The following AIFM3 variants were observed in gnomAD, a reference collection of about 807,000 sequenced individuals.
AIFM3 encodes the protein AIF family member 3, also known as apoptosis-inducing factor 3.
AIFM3 carries 71 observed loss-of-function variants against 82.7 expected under a neutral mutation model. The observed-to-expected ratio is 0.86, with a 90% CI of 0.71 to 1.05. The LOEUF (loss-of-function observed/expected upper bound fraction) is 1.05. AIFM3 is among the 50% of genes least tolerant of loss of function. The probability of loss-of-function intolerance (pLI) is 0.00; values close to 1 mark genes in which losing one functional copy is unlikely to be tolerated. For synonymous variants in AIFM3, 337 were observed against 329.1 expected, an observed-to-expected ratio of 1.02 and a Z score of -0.26; for missense variants, 748 against 816.7, an observed-to-expected ratio of 0.92 and a Z score of 1.03.
intron 1 of AIFM3, among the ~76,000 whole-genome samples, 171 bp downstream of exon 1, chr22:20,967,474 C>T (rs1163209974): frequency 6.6e-6 from 1 of 152,120 alleles, no homozygotes. Context: ...GGTCCCAGAG[C>T]TCTCAGGCTG....
chr22:20,971,967 G>C (rs550949652), intron 2 of AIFM3, among the ~76,000 whole-genome samples: 203 of 35,538 alleles, frequency 5.7e-3, no homozygotes, highest in African/African-American at 0.028. Context: ...TGGAGGCTGT[G>C]GGGGGGGGGG....
chr22:20,970,950 G>A lies in AIFM3; in HGVS notation c.32-2357G>A, dbSNP rs1370758340. On this transcript the variant is annotated intron_variant, in intron 2 of 20. Coordinates refer to ENST00000440238, the MANE Select transcript of AIFM3 (RefSeq NM_001386814.1). ...GCATCTTAAGGCCCAAAGGGGCTAA[G>A]GCAGGTCTTATGGGCAGCCAGAAGT... is the stretch of plus-strand genomic sequence containing the variant. Among the ~76,000 whole-genome samples the A allele has an allele frequency of 3.9e-5, 6 of 152,362 alleles. No homozygotes were observed. The East Asian group carries it at 1.2e-3, about 29-fold the overall frequency.
At chr22:20,978,043 G>A in intron 16 of AIFM3, 38 bp downstream of exon 16, 1 of 1,596,418 alleles carries the variant, frequency 6.3e-7, no homozygotes, top group South Asian at 1.1e-5. Context: ...GGGTGGGAGG[G>A]AGTCTCAGGG....
At chr22:20,979,413 G>A (rs1923927758) in intron 17 of AIFM3, 44 bp downstream of exon 17, 1 of 1,534,078 alleles carries the variant, frequency 6.5e-7, no homozygotes, top group Non-Finnish European at 8.8e-7. Context: ...AGGGCGTTTA[G>A]GGGCGGGGCT....
intron 19 of AIFM3, 118 bp from the exon 20 acceptor site, chr22:20,980,629 G>A (rs1052841119): frequency 3.5e-5 from 47 of 1,342,912 alleles, no homozygotes; most frequent in Non-Finnish European, 4.2e-5. Context: ...GCCACTGGGA[G>A]GCTATGAGAC....
rs201791391 is a variant in AIFM3 at position 20,973,258 on chromosome 22, G to A, written c.32-49G>A. 2.4e-5 allele frequency: 37 copies of A among 1,545,416 alleles called. No homozygotes were observed. In the African/African-American group the frequency reaches 4.7e-4, roughly 19 times the overall value. The stretch of plus-strand genomic sequence containing the variant: ...CTCTGCACCCAGCTTGAGGGATGGG[G>A]GAGGAAGTTGGCTGAGGTGGGGGGC... On this transcript the variant is annotated intron_variant, in intron 2 of 20. Transcript: ENST00000440238.
chr22:20,980,413 G>T (rs1924020125), intron 19 of AIFM3: 1 of 595,338 alleles, frequency 1.7e-6, no homozygotes. Flanking sequence ...ACCAGGCGTG[G>T]GACACCTAAC....
At position 20,973,832 on chromosome 22, in the gene AIFM3, A is replaced by C. The variant is rs770691793; in HGVS notation, c.320A>C (p.His107Pro). ...AATGGGGAGTTCCACGCCCTGGGCC[A>C]TAAGTGTCCGCACTACGGCGCACCC... Reference protein sequence around the residue: ...KDNGEFHALGHKCPHYGAPLV... With the variant: ...KDNGEFHALGPKCPHYGAPLV... The change falls in exon 4 of 21, where the codon CAT becomes CCT. Residue 107 changes from histidine to proline, a missense_variant. Coordinates refer to ENST00000440238, the MANE Select transcript of AIFM3 (RefSeq NM_001386814.1). 4 of 1,575,296 alleles carry C rather than the reference A, an allele frequency of 2.5e-6. No homozygotes were observed. The highest frequency in any genetic ancestry group is 1.3e-5 in the African/African-American group (1 of 74,172).
At chr22:20,966,042 G>A (rs979563193), upstream of AIFM3, among the ~76,000 whole-genome samples, 7 of 152,160 alleles carry the variant, frequency 4.6e-5, no homozygotes, top group African/African-American at 7.2e-5. Context: ...GCTCCAAGCC[G>A]ATCTAGCACA....
Position 20,974,738 on chromosome 22 carries a change from G to A in AIFM3, c.642G>A (p.Arg214=). The A allele has an allele frequency of 6.2e-7, 1 of 1,613,992 alleles. No homozygotes were observed. The change falls in exon 8 of 21, where the codon CGG becomes CGA. Residue 214 remains arginine (R), a synonymous_variant. Transcript: ENST00000440238. ...AAGLVCAETL[R]QEGFSDRIVL... ...GCCTGGTGTGTGCAGAGACACTGCGGCAGGAGGGCTTCTCCGACCGGATCG... is the reference window on the plus strand; with the variant it reads ...GCCTGGTGTGTGCAGAGACACTGCGACAGGAGGGCTTCTCCGACCGGATCG...
At position 20,981,179 on chromosome 22, in the gene AIFM3, C is replaced by T; in HGVS notation, c.*148C>T. ...TTGCCTTCAGCCACCTGGCTCCCCT[C>T]CTGGGAGGCCTCTGCTGGATCCAGA... On this transcript the variant is annotated 3_prime_UTR_variant, in exon 21 of 21. Transcript: ENST00000440238. 9.3e-7 allele frequency: 1 copy of T among 1,071,972 alleles called. No homozygotes were observed. Among genetic ancestry groups the T allele is most frequent in the Non-Finnish European group, 1.4e-6 (1 of 737,146 alleles). 66.4% of individuals were successfully genotyped at this position (1,071,972 alleles called of 1,614,324 possible).
chr22:20,979,599 G>A (rs1360189058), intron 17 of AIFM3, 28 bp from the exon 18 acceptor site: 1 of 1,613,760 alleles, frequency 6.2e-7, no homozygotes, highest in Admixed American at 1.7e-5. Context: ...CGGCTCACGT[G>A]GGTGCCACCC....
At position 20,967,938 on chromosome 22, in the gene AIFM3, A is replaced by C. The variant is rs767768802; in HGVS notation, c.-7A>C. The C allele has an allele frequency of 2.5e-6, 4 of 1,613,996 alleles. No individual in the cohort carries two copies. The highest frequency in any genetic ancestry group is 3.4e-6 in the Non-Finnish European group (4 of 1,179,974). On this transcript the variant is annotated 5_prime_UTR_variant, in exon 2 of 21. Transcript: ENST00000440238. ...CCTGCCTGCCGGCCATCCTCAGGCC[A>C]CTCGCCATGGGCGGCTGCTTCTCCA...
At chr22:20,973,131 T>A (rs1013313614) in intron 2 of AIFM3, among the ~76,000 whole-genome samples, 176 bp from the exon 3 acceptor site, 20 of 151,988 alleles carry the variant, frequency 1.3e-4, no homozygotes, top group Non-Finnish European at 2.5e-4. Context: ...CCTCCGCTGC[T>A]TCGTGCCAGG....
In AIFM3 at chr22:20,976,706, G is replaced by A. The variant is rs537276493; in HGVS notation, c.1086G>A (p.Glu362=). 3.8e-5 allele frequency: 61 copies of A among 1,609,378 alleles called. 1 individual carries two copies. The South Asian group carries it at 6.6e-4, about 17-fold the overall frequency. The part of the protein sequence containing the change: ...TEKAHSVSVV[E]LEETPFRRFL... ...AGGCCCACTCTGTGTCTGTGGTGGA[G>A]CTGGAGGAGACGCCCTTCAGGAGGT... The change falls in exon 12 of 21, where the codon GAG becomes GAA. Residue 362 remains glutamate, a synonymous_variant. Transcript: ENST00000440238.
In AIFM3 at chr22:20,977,779, G is replaced by A. The variant is rs756941626; in HGVS notation, c.1359+3G>A. ...GAGGCTTCATCCCTGTCAACAAGGTGGGGTGGATGGCACTGGGTGGGGAGG... is the reference window on the plus strand; with the variant it reads ...GAGGCTTCATCCCTGTCAACAAGGTAGGGTGGATGGCACTGGGTGGGGAGG... On this transcript the variant is annotated splice_donor_region_variant and intron_variant, in intron 15 of 20. Transcript: ENST00000440238. 51 of 1,614,070 alleles carry A rather than the reference G, an allele frequency of 3.2e-5. 1 individual carries two copies. In the Admixed American group the frequency reaches 6.8e-4, roughly 22 times the overall value.
chr22:20,972,380 C>T (rs1328478644), intron 2 of AIFM3, among the ~76,000 whole-genome samples: 1 of 133,588 alleles, frequency 7.5e-6, no homozygotes, highest in South Asian at 2.4e-4. Context: ...CCAGCCTGGG[C>T]AACAACAGCG....
In AIFM3 at chr22:20,974,080, C is replaced by T. The variant is rs753990478; in HGVS notation, c.373C>T (p.Arg125Trp). The T allele has an allele frequency of 3.7e-6, 6 of 1,610,362 alleles. No individual in the cohort carries two copies. The highest frequency in any genetic ancestry group is 2.2e-5 in the South Asian group (2 of 90,536). Reference sequence around the variant, plus strand: ...CTTCCCAGGCGTTCTGTCCCGTGGTCGGGTGCGCTGCCCCTGGCACGGCGC... The same window carrying T: ...CTTCCCAGGCGTTCTGTCCCGTGGTTGGGTGCGCTGCCCCTGGCACGGCGC... ...PLVKGVLSRG[R>W]VRCPWHGACF... The change falls in exon 5 of 21, where the codon CGG becomes TGG. Residue 125 changes from arginine (R) to tryptophan (W), a missense_variant. Around this residue, in one of 5 missense-constraint regions of AIFM3, gnomAD observed 148 missense variants for 134.1 expected, o/e 1.10. Coordinates refer to ENST00000440238, the MANE Select transcript of AIFM3 (RefSeq NM_001386814.1).
At chr22:20,976,583 C>T (rs1923685054) in intron 11 of AIFM3, 45 bp downstream of exon 11, 2 of 1,612,956 alleles carry the variant, frequency 1.2e-6, no homozygotes. Context: ...GTCGTCATGG[C>T]CAGTCCCAGG....
Sources: allele counts gnomAD v4.1 joint callset (sites outside exome capture counted in the v4.1 genomes callset), GRCh38; gene constraint gnomAD v4.1.1; regional missense constraint gnomAD v4.1.1; transcripts MANE v1.5; gene names NCBI Gene and HGNC (gene_info 2026-07-23, HGNC 2026-07-21).